The following STPG2 variants were observed in gnomAD, a reference collection of about 807,000 sequenced individuals.
STPG2 encodes the protein sperm tail PG-rich repeat containing 2, also known as sperm-tail PG-rich repeat-containing protein 2.
A neutral mutation model predicts 54.2 loss-of-function variants in STPG2; 56 were observed. The observed-to-expected ratio is 1.03, with a 90% CI of 0.83 to 1.29. STPG2 has a LOEUF of 1.29. Among genes scored for constraint, STPG2 ranks in the 50% most tolerant of loss-of-function variants. The pLI is 0.00. For synonymous variants in STPG2, 200 were observed against 181.8 expected (o/e 1.10, Z -0.81); for missense variants, 596 against 544.9 (o/e 1.09, Z -0.93).
intron 8 of STPG2, among the ~76,000 whole-genome samples, chr4:97,865,464 A>G (rs992548686): frequency 2.0e-5 from 3 of 152,196 alleles, no homozygotes; most frequent in Non-Finnish European, 4.4e-5. Context: ...ATGTGGAAAA[A>G]TAGGAACACT....
At chr4:97,532,019 A>G (rs1215702782) in intron 4 of STPG2, among the ~76,000 whole-genome samples, 7 of 152,220 alleles carry the variant, frequency 4.6e-5, no homozygotes, top group Non-Finnish European at 1.0e-4. Context: ...AAAAAAATAC[A>G]AATTAAAAGT....
intron 5 of STPG2, among the ~76,000 whole-genome samples, chr4:98,074,680 G>T (rs1325705416): frequency 6.6e-6 from 1 of 151,986 alleles, no homozygotes; most frequent in Non-Finnish European, 1.5e-5. Flanking sequence ...TTTTGCACTA[G>T]GATTAGTGAA....
chr4:97,742,927 T>C (rs1725309233), intron 9 of STPG2, among the ~76,000 whole-genome samples: 1 of 151,552 alleles, frequency 6.6e-6, no homozygotes, highest in South Asian at 2.1e-4. Context: ...CACACAAAAA[T>C]AATATGTAAA....
At chr4:97,485,997 A>G (rs755356733) in intron 4 of STPG2, among the ~76,000 whole-genome samples, 12 of 151,962 alleles carry the variant, frequency 7.9e-5, no homozygotes, top group Non-Finnish European at 1.6e-4. Context: ...CATATGTAGG[A>G]GAATGAAAAT....
intron 8 of STPG2, among the ~76,000 whole-genome samples, chr4:97,925,221 T>A (rs778868410): frequency 2.6e-5 from 4 of 152,172 alleles, no homozygotes; most frequent in Non-Finnish European, 5.9e-5. Context: ...TAGCACTCAA[T>A]CAGGAATTAA....
intron 8 of STPG2, among the ~76,000 whole-genome samples, chr4:97,877,574 T>C (rs1730224578): frequency 6.6e-6 from 1 of 152,098 alleles, no homozygotes; most frequent in Admixed American, 6.5e-5. Flanking sequence ...GGGCTTCCCA[T>C]TATAAAACCA....
intron 10 of STPG2, among the ~76,000 whole-genome samples, chr4:97,617,345 A>G (rs1733901318): frequency 6.6e-6 from 1 of 152,190 alleles, no homozygotes; most frequent in Admixed American, 6.6e-5. Context: ...GAATTCTTGT[A>G]AGAAAAATAC....
chr4:97,768,099 G>A (rs778221948), intron 9 of STPG2, among the ~76,000 whole-genome samples: 16 of 151,834 alleles, frequency 1.1e-4, no homozygotes, highest in South Asian at 2.1e-4. Flanking sequence ...CCCAGGAGGC[G>A]GATCTTGCAG....
intron 7 of STPG2, among the ~76,000 whole-genome samples, chr4:97,962,324 C>A (rs1477761683): frequency 6.6e-6 from 1 of 151,910 alleles, no homozygotes; most frequent in Non-Finnish European, 1.5e-5. Flanking sequence ...TTCATGTGAC[C>A]AAACACTACC....
At chr4:97,957,124 G>A (rs1015027314) in intron 7 of STPG2, among the ~76,000 whole-genome samples, 2 of 123,852 alleles carry the variant, frequency 1.6e-5, no homozygotes, top group African/African-American at 5.6e-5. Context: ...AAATATACAT[G>A]TGAAATATAT....
intron 8 of STPG2, among the ~76,000 whole-genome samples, chr4:97,900,493 T>C (rs1310774586): frequency 6.6e-6 from 1 of 152,078 alleles, no homozygotes; most frequent in African/African-American, 2.4e-5. Flanking sequence ...TGCAGCCCTA[T>C]TCACAATACC....
rs185386084 is a variant in STPG2, at chr4:97,928,615, G to A, written c.1044+15282C>T. On this transcript the variant is annotated intron_variant, in intron 8 of 10. Transcript: ENST00000295268. The stretch of plus-strand genomic sequence containing the variant: ...TCCTTTAAGTAATTAGGTCTTTAAG[G>A]GATTTTTGTTGTGGGGTTGTTTTTG... Among the ~76,000 whole-genome samples, 20 of 152,094 alleles carry A rather than the reference G, an allele frequency of 1.3e-4. No homozygotes were observed. In the East Asian group the frequency reaches 3.9e-3, roughly 29 times the overall value.
chr4:98,056,958 G>C (rs1737504480), intron 5 of STPG2, among the ~76,000 whole-genome samples: 1 of 152,142 alleles, frequency 6.6e-6, no homozygotes, highest in African/African-American at 2.4e-5. Flanking sequence ...GTCCTGGATA[G>C]CCTGTGGAAC....
chr4:97,811,448 T>A (rs1727738449), intron 9 of STPG2, among the ~76,000 whole-genome samples: 1 of 152,188 alleles, frequency 6.6e-6, no homozygotes, highest in Non-Finnish European at 1.5e-5. Context: ...TCTTTCTAGT[T>A]CATTTCTTTT....
intron 10 of STPG2, among the ~76,000 whole-genome samples, chr4:97,688,981 T>C (rs928532669): frequency 5.9e-5 from 9 of 152,184 alleles, no homozygotes; most frequent in Non-Finnish European, 1.2e-4. Context: ...ACTAACCTAT[T>C]TTCTGCTATA....
intron 9 of STPG2, among the ~76,000 whole-genome samples, chr4:97,735,661 TTATAA>T (rs1724961183): frequency 1.3e-5 from 2 of 149,938 alleles, no homozygotes; most frequent in Admixed American, 1.3e-4. Flanking sequence ...GTGTATATTC[TTATAA>T]TATATAAGGA....
intron 4 of STPG2, among the ~76,000 whole-genome samples, chr4:97,542,317 CAG>C (rs1189709138): frequency 6.6e-6 from 1 of 152,058 alleles, no homozygotes; most frequent in Non-Finnish European, 1.5e-5. Context: ...AGGATATGTA[CAG>C]AGACTTCTCA....
chr4:97,641,446 C>T (rs1268898878), intron 10 of STPG2, among the ~76,000 whole-genome samples: 1 of 150,874 alleles, frequency 6.6e-6, no homozygotes, highest in Non-Finnish European at 1.5e-5. Context: ...ATAAACATAC[C>T]CACACAGACA....
At chr4:97,519,030 A>G (rs1731130512) in intron 4 of STPG2, among the ~76,000 whole-genome samples, 3 of 152,132 alleles carry the variant, frequency 2.0e-5, no homozygotes, top group South Asian at 4.1e-4. Context: ...GGACAGTAGA[A>G]CCAAAAATCG....
Sources: gnomAD v4.1 joint callset for allele counts (sites outside exome capture counted in the v4.1 genomes callset) on GRCh38, gnomAD v4.1.1 for gene constraint, MANE v1.5 for transcripts, NCBI Gene and HGNC (gene_info 2026-07-23, HGNC 2026-07-21) for gene names.